Variants in CPS1 observed in about 807,000 individuals in gnomAD.
CPS1 encodes the protein carbamoyl-phosphate synthase [ammonia], mitochondrial.
Under a neutral mutation model 174.6 loss-of-function variants are expected in CPS1, and 109 were observed. That is an observed-to-expected ratio of 0.62 (90% confidence interval 0.53 to 0.73). The LOEUF is 0.73. Among genes scored for constraint, CPS1 ranks in the 30% least tolerant of loss-of-function variants. The pLI is 0.00. For missense variants in CPS1, 1,689 were observed against 1,821.9 expected (o/e 0.93, Z 1.33); for synonymous variants, 637 against 632.0 (o/e 1.01, Z -0.12).
intron 13 of CPS1, 23 bp from the exon 14 acceptor site, chr2:210,599,349 C>T: frequency 1.2e-6 from 2 of 1,607,454 alleles, no homozygotes; most frequent in Non-Finnish European, 1.7e-6. Context: ...TATTCATGTA[C>T]TGGATTCTTT....
chr2:210,673,979 A>G (rs1050760676), intron 34 of CPS1: 3 of 152,214 alleles, frequency 2.0e-5, no homozygotes, highest in African/African-American at 7.2e-5. Context: ...TGAAGCTCAT[A>G]CCACTAGTGA....
At chr2:210,645,143 T>C (rs1700339681) in intron 25 of CPS1, among the ~76,000 whole-genome samples, 1 of 152,136 alleles carries the variant, frequency 6.6e-6, no homozygotes, top group Non-Finnish European at 1.5e-5. Flanking sequence ...CTGTGCTATA[T>C]TAACATTTTA....
At chr2:210,627,879 G>A (rs370270397) in intron 21 of CPS1, among the ~76,000 whole-genome samples, 12 of 152,038 alleles carry the variant, frequency 7.9e-5, no homozygotes, top group African/African-American at 2.9e-4. Context: ...CTGTTGGTCT[G>A]GTTCTTTCCC....
At chr2:210,577,550 G>C (rs907265631) in intron 4 of CPS1, 40 bp downstream of exon 4, 2 of 1,423,988 alleles carry the variant, frequency 1.4e-6, no homozygotes, top group Non-Finnish European at 2.0e-6. Flanking sequence ...ACCTAAGGAA[G>C]GTTGAGAAGG....
At chr2:210,570,280 T>A (rs957471114) in intron 1 of CPS1, among the ~76,000 whole-genome samples, 10 of 151,866 alleles carry the variant, frequency 6.6e-5, no homozygotes, top group Admixed American at 6.6e-4. Flanking sequence ...AAAAGACATA[T>A]TGAACACAAT....
intron 1 of CPS1, among the ~76,000 whole-genome samples, chr2:210,488,187 A>G (rs1694777875): frequency 6.6e-6 from 1 of 151,822 alleles, no homozygotes; most frequent in Non-Finnish European, 1.5e-5. Context: ...TGCAGAAATC[A>G]TATATTCTTC....
Position 210,590,158 on chromosome 2 carries a change from A to G in CPS1, c.764A>G (p.Glu255Gly). The G allele has an allele frequency of 6.2e-7, 1 of 1,612,958 alleles. No individual in the cohort carries two copies. Among genetic ancestry groups the G allele is most frequent in the Non-Finnish European group, 8.5e-7 (1 of 1,179,208 alleles). Residue 255 changes from glutamate (E) to glycine (G), a missense_variant, in exon 8 of 38, where the codon GAG becomes GGG. Transcript: ENST00000233072. ...TGGAACCATGATTTCACCAAGATGGAGTATGATGGGATTTTGATCGCGGGA... is the reference window on the plus strand; with the variant it reads ...TGGAACCATGATTTCACCAAGATGGGGTATGATGGGATTTTGATCGCGGGA... ...VPWNHDFTKMEYDGILIAGGP... is the reference protein window; with the variant it reads ...VPWNHDFTKMGYDGILIAGGP...
At chr2:210,555,719 A>T (rs1468785622), upstream of CPS1, 1 of 454,602 alleles carries the variant, frequency 2.2e-6, no homozygotes, top group Non-Finnish European at 4.4e-6. Context: ...CTGCTGCAGT[A>T]CTTCCTGTTC....
At chr2:210,497,783 C>T (rs1284049300) in intron 1 of CPS1, among the ~76,000 whole-genome samples, 1 of 151,184 alleles carries the variant, frequency 6.6e-6, no homozygotes, top group Non-Finnish European at 1.5e-5. Context: ...TTTCTGTATC[C>T]AATCTACCAT....
intron 29 of CPS1, among the ~76,000 whole-genome samples, chr2:210,656,076 A>G (rs897788757): frequency 3.3e-5 from 5 of 152,094 alleles, no homozygotes; most frequent in Non-Finnish European, 5.9e-5. Flanking sequence ...CCATTTAATG[A>G]TCTCTTGATG....
In CPS1 at chr2:210,647,850, G is replaced by C; in HGVS notation, c.3142-13G>C. On this transcript the variant is annotated splice_polypyrimidine_tract_variant and intron_variant, in intron 25 of 37. Coordinates refer to ENST00000233072, the MANE Select transcript of CPS1 (RefSeq NM_001875.5). ...GTTATTCCAATGGCTGATATTGTGA[G>C]TGTATTTTCCAGGCATGTGGTGGCT... 6.2e-7 allele frequency: 1 copy of C among 1,613,760 alleles called. No individual in the cohort carries two copies. Among genetic ancestry groups the C allele is most frequent in the Non-Finnish European group, 8.5e-7 (1 of 1,179,764 alleles).
chr2:210,583,982 G>T (rs1169643274), intron 6 of CPS1, among the ~76,000 whole-genome samples: 1 of 152,114 alleles, frequency 6.6e-6, no homozygotes, highest in Non-Finnish European at 1.5e-5. Flanking sequence ...TCAGGTAAAA[G>T]ATCACCTTAC....
At chr2:210,623,451 A>G (rs1699600210) in intron 21 of CPS1, among the ~76,000 whole-genome samples, 1 of 151,998 alleles carries the variant, frequency 6.6e-6, no homozygotes, top group Non-Finnish European at 1.5e-5. Context: ...CTTCACTCTA[A>G]TAACTTTAAT....
At chr2:210,588,732 A>C (rs1416007294) in intron 7 of CPS1, among the ~76,000 whole-genome samples, 1 of 152,054 alleles carries the variant, frequency 6.6e-6, no homozygotes. Context: ...CCCTCCATAC[A>C]CATACACACA....
chr2:210,595,978 G>A (rs4396646), intron 13 of CPS1, among the ~76,000 whole-genome samples: 88,426 of 151,672 alleles, frequency 0.58, 26,065 homozygotes, highest in African/African-American at 0.66. Context: ...AGGATGCTTC[G>A]GGCATCTCTG....
At chr2:210,524,243 G>C (rs1465544059) in intron 1 of CPS1, among the ~76,000 whole-genome samples, 1 of 151,692 alleles carries the variant, frequency 6.6e-6, no homozygotes, top group Non-Finnish European at 1.5e-5. Context: ...TTTTTCTATA[G>C]TTTTACTTTT....
intron 1 of CPS1, among the ~76,000 whole-genome samples, chr2:210,537,257 AAG>A (rs1559066812): frequency 6.6e-6 from 1 of 152,244 alleles, no homozygotes; most frequent in Non-Finnish European, 1.5e-5. Flanking sequence ...GTGAAAATAA[AAG>A]GGGAAAAACC....
chr2:210,523,200 G>C (rs1695874655), intron 1 of CPS1, among the ~76,000 whole-genome samples: 1 of 151,966 alleles, frequency 6.6e-6, no homozygotes, highest in African/African-American at 2.4e-5. Flanking sequence ...GGACCTCACT[G>C]TCTGTAGAGA....
intron 21 of CPS1, chr2:210,618,229 T>C (rs1006158282): frequency 1.3e-5 from 2 of 152,100 alleles, no homozygotes; most frequent in Admixed American, 1.3e-4. Flanking sequence ...TTGCCGACAA[T>C]TTGACATTTT....
Sources: allele counts gnomAD v4.1 joint callset (sites outside exome capture counted in the v4.1 genomes callset), GRCh38; gene constraint gnomAD v4.1.1; transcripts MANE v1.5; gene names NCBI Gene and HGNC (gene_info 2026-07-23, HGNC 2026-07-21).